SHROOM3: variants seen among roughly 807,000 people sequenced by gnomAD.
SHROOM3 encodes shroom family member 3, also known as protein Shroom3.
Under a neutral mutation model 138.6 loss-of-function variants are expected in SHROOM3, and 47 were observed. The ratio of observed to expected loss-of-function variants is 0.34; its 90% CI spans 0.27 to 0.43. The LOEUF (loss-of-function observed/expected upper bound fraction) is 0.43. Ranked by LOEUF, SHROOM3 falls within the 20% of genes least tolerant of loss-of-function variation. The pLI is 1.00. For synonymous variants in SHROOM3, 1,062 were observed against 1,063.3 expected, an observed-to-expected ratio of 1.00 and a Z score of 0.02; for missense variants, 2,491 against 2,596.5, an observed-to-expected ratio of 0.96 and a Z score of 0.88.
chr4:76,716,394 T>A (rs775682500), intron 3 of SHROOM3: 5 of 518,920 alleles, frequency 9.6e-6, no homozygotes, highest in African/African-American at 9.6e-5. Flanking sequence ...ATCTGGGATG[T>A]TTCTATTTGC....
In SHROOM3 at chr4:76,730,834, G is replaced by T. The variant is rs541276547; in HGVS notation, c.486G>T (p.Ser162=). ...GTGAGCCTGCAGGCCGACCTCACTCGTGGCACACAACTAAATCTGGGGAGA... is the reference window on the plus strand; with the variant it reads ...GTGAGCCTGCAGGCCGACCTCACTCTTGGCACACAACTAAATCTGGGGAGA... The part of the protein sequence containing the change: ...RRSEPAGRPH[S]WHTTKSGEKQ... Residue 162 remains serine, a synonymous_variant, in exon 4 of 11, where the codon TCG becomes TCT. Coordinates refer to ENST00000296043, the MANE Select transcript of SHROOM3 (RefSeq NM_020859.4). 4.3e-6 allele frequency: 7 copies of T among 1,614,052 alleles called. No homozygotes were observed. In the South Asian group the frequency reaches 7.7e-5, roughly 18 times the overall value.
At chr4:76,566,087 C>A (rs764466939) in intron 2 of SHROOM3, among the ~76,000 whole-genome samples, 1 of 130,086 alleles carries the variant, frequency 7.7e-6, no homozygotes, top group Admixed American at 9.3e-5. Context: ...CTAGCCTGGG[C>A]GACAGAGCAA....
chr4:76,777,212 ACT>A (rs994608735), intron 10 of SHROOM3, among the ~76,000 whole-genome samples: 1 of 152,012 alleles, frequency 6.6e-6, no homozygotes, highest in African/African-American at 2.4e-5. Flanking sequence ...CACAATATTG[ACT>A]CTACCCATCC....
intron 6 of SHROOM3, among the ~76,000 whole-genome samples, chr4:76,750,940 G>A (rs1180966766): frequency 1.3e-5 from 2 of 152,180 alleles, no homozygotes; most frequent in Non-Finnish European, 2.9e-5. Context: ...AGGTGCAGCT[G>A]CATGCCTAGT....
chr4:76,769,024 AC>A, intron 9 of SHROOM3, among the ~76,000 whole-genome samples: 1 of 152,286 alleles, frequency 6.6e-6, no homozygotes, highest in East Asian at 1.9e-4. Context: ...TTCCTAATGG[AC>A]CTTCTCTGGT....
At chr4:76,625,147 G>A (rs1735104885) in intron 2 of SHROOM3, among the ~76,000 whole-genome samples, 2 of 152,126 alleles carry the variant, frequency 1.3e-5, no homozygotes, top group South Asian at 4.1e-4. Context: ...TGCTTTGCCA[G>A]GAACCAAAAT....
chr4:76,611,565 A>G (rs1344020724), intron 2 of SHROOM3, among the ~76,000 whole-genome samples: 2 of 152,132 alleles, frequency 1.3e-5, no homozygotes, highest in African/African-American at 4.8e-5. Flanking sequence ...TGAGACTCCC[A>G]GTTTTTACGT....
intron 1 of SHROOM3, among the ~76,000 whole-genome samples, chr4:76,472,072 G>A (rs1426816584): frequency 6.6e-6 from 1 of 152,154 alleles, no homozygotes; most frequent in Admixed American, 6.5e-5. Context: ...CTGATATAAT[G>A]CCTGGTGCAG....
chr4:76,720,613 C>CT (rs35881578), intron 3 of SHROOM3, among the ~76,000 whole-genome samples: 2,740 of 135,692 alleles, frequency 0.02, 41 homozygotes, highest in Non-Finnish European at 0.028. Flanking sequence ...TGAATTCTTT[C>CT]TTTTTTTTTT....
intron 1 of SHROOM3, among the ~76,000 whole-genome samples, chr4:76,552,018 C>T (rs978305250): frequency 2.3e-4 from 26 of 114,908 alleles, no homozygotes; most frequent in South Asian, 6.0e-4. Flanking sequence ...CCCGCCATCA[C>T]GCCCGGCTAA....
chr4:76,581,336 C>A (rs563802831), intron 2 of SHROOM3, among the ~76,000 whole-genome samples: 1 of 152,180 alleles, frequency 6.6e-6, no homozygotes, highest in South Asian at 2.1e-4. Flanking sequence ...TACTTTAGGC[C>A]AGTAGAAAAG....
At position 76,781,408 on chromosome 4, in the gene SHROOM3, A is replaced by C. The variant is rs1240927424; in HGVS notation, c.*2231A>C. On this transcript the variant is annotated 3_prime_UTR_variant, in exon 11 of 11. Transcript: ENST00000296043. ...TCCCAGAAGTGCTGGGATTACAGGC[A>C]TGAGCCACTTCACCCAGCCACTTTT... The C allele has an allele frequency of 2.0e-5, 3 of 152,212 alleles. No individual in the cohort carries two copies. The highest frequency in any genetic ancestry group is 4.4e-5 in the Non-Finnish European group (3 of 68,054). The allele number at this position is 152,212 out of a possible 1,614,324, so 9.4% of individuals were successfully genotyped here. A position where few individuals can be genotyped will look rare whatever the true frequency, so the allele number is the denominator to read the frequency against.
intron 2 of SHROOM3, among the ~76,000 whole-genome samples, chr4:76,657,168 A>ACTCTCTCTCTCT (rs369556375): frequency 7.0e-6 from 1 of 143,622 alleles, no homozygotes; most frequent in African/African-American, 2.6e-5. Flanking sequence ...CAAGAGCGAA[A>ACTCTCTCTCTCT]CTCTCTCTCT....
intron 2 of SHROOM3, among the ~76,000 whole-genome samples, chr4:76,619,610 G>A (rs551223775): frequency 6.6e-6 from 1 of 152,088 alleles, no homozygotes; most frequent in South Asian, 2.1e-4. Context: ...GGAAACATGG[G>A]GATACAGACT....
chr4:76,468,124 T>C (rs1731283741), intron 1 of SHROOM3, among the ~76,000 whole-genome samples: 1 of 152,194 alleles, frequency 6.6e-6, no homozygotes, highest in Admixed American at 6.5e-5. Context: ...GTCAGAGTAA[T>C]AGGACTTCAT....
chr4:76,439,836 T>G (rs1050331037), intron 1 of SHROOM3, among the ~76,000 whole-genome samples: 1 of 152,196 alleles, frequency 6.6e-6, no homozygotes, highest in East Asian at 1.9e-4. Context: ...CTACAAAGGG[T>G]AACAATAGAA....
At chr4:76,728,662 GC>G (rs1478013334) in intron 3 of SHROOM3, among the ~76,000 whole-genome samples, 1 of 152,180 alleles carries the variant, frequency 6.6e-6, no homozygotes, top group Non-Finnish European at 1.5e-5. Flanking sequence ...CATCTCCTTA[GC>G]CCAAGCTGTG....
chr4:76,588,751 C>A (rs1734201690), intron 2 of SHROOM3, among the ~76,000 whole-genome samples: 2 of 152,150 alleles, frequency 1.3e-5, no homozygotes, highest in Admixed American at 1.3e-4. Context: ...GTTTGGGTAG[C>A]CCTAGACACA....
chr4:76,559,679 A>G (rs1733560511), intron 2 of SHROOM3: 1 of 152,206 alleles, frequency 6.6e-6, no homozygotes. Flanking sequence ...TAAAAATGCC[A>G]AGAACACAGA....
Sources: gnomAD v4.1 joint callset for allele counts (sites outside exome capture counted in the v4.1 genomes callset) on GRCh38, gnomAD v4.1.1 for gene constraint, MANE v1.5 for transcripts, NCBI Gene and HGNC (gene_info 2026-07-23, HGNC 2026-07-21) for gene names.